Variants in RANBP2 observed in about 807,000 individuals in gnomAD.
RANBP2 encodes the protein RAN binding protein 2.
A neutral mutation model predicts 303.6 loss-of-function variants in RANBP2; 57 were observed. The observed-to-expected ratio is 0.19, with a 90% confidence interval of 0.15 to 0.23. The LOEUF (loss-of-function observed/expected upper bound fraction) is 0.23, where lower values mean the gene tolerates loss of function less well. RANBP2 is among the 10% of genes least tolerant of loss of function. The pLI is 1.00. For synonymous variants in RANBP2, 1,167 were observed against 1,301.5 expected (o/e 0.90, Z 2.23); for missense variants, 3,138 against 3,780.8 (o/e 0.83, Z 4.46).
chr2:109,515,774 G>C, the RANBP2 span, among the ~76,000 whole-genome samples: 1 of 152,184 alleles, frequency 6.6e-6, no homozygotes, highest in African/African-American at 2.4e-5. Flanking sequence ...GGCCTCGGGA[G>C]GCAAAAGTGG....
the RANBP2 span, among the ~76,000 whole-genome samples, chr2:109,186,665 C>T: frequency 1.1e-4 from 16 of 152,240 alleles, no homozygotes; most frequent in African/African-American, 1.9e-4. Flanking sequence ...GAAGACCCTG[C>T]GGGAAATGCA....
the RANBP2 span, among the ~76,000 whole-genome samples, chr2:109,430,439 A>G: frequency 5.3e-5 from 8 of 151,794 alleles, no homozygotes; most frequent in Admixed American, 1.3e-4. Flanking sequence ...GGCTGTGTGG[A>G]AGCCACCCTC....
the RANBP2 span, among the ~76,000 whole-genome samples, chr2:109,423,231 G>A: frequency 6.6e-6 from 1 of 152,096 alleles, no homozygotes; most frequent in Admixed American, 6.5e-5. Context: ...GGAAGCCCAG[G>A]GGAATCGTGG....
chr2:108,923,142 T>G, the RANBP2 span, among the ~76,000 whole-genome samples: 47 of 152,168 alleles, frequency 3.1e-4, no homozygotes, highest in Non-Finnish European at 5.3e-4. Flanking sequence ...AGGTAGCTGG[T>G]GGCCAACCTG....
At chr2:108,853,277 T>G in the RANBP2 span, among the ~76,000 whole-genome samples, 1 of 152,200 alleles carries the variant, frequency 6.6e-6, no homozygotes, top group Non-Finnish European at 1.5e-5. Context: ...GTGTCATTTT[T>G]ACAGAAGAGC....
the RANBP2 span, among the ~76,000 whole-genome samples, chr2:109,366,028 G>C: frequency 6.6e-6 from 1 of 152,076 alleles, no homozygotes; most frequent in Non-Finnish European, 1.5e-5. Flanking sequence ...ATTCTGTTAT[G>C]AAACTATTAA....
chr2:109,039,182 A>G, the RANBP2 span, among the ~76,000 whole-genome samples: 2 of 152,338 alleles, frequency 1.3e-5, no homozygotes, highest in South Asian at 4.1e-4. Context: ...CTTTGGACTC[A>G]GGCCTGAAAC....
chr2:108,740,167 T>C (rs1695960994), intron 6 of RANBP2, among the ~76,000 whole-genome samples: 1 of 152,198 alleles, frequency 6.6e-6, no homozygotes, highest in African/African-American at 2.4e-5. Flanking sequence ...AGGAAGAAAC[T>C]ACAAAATAGT....
the RANBP2 span, among the ~76,000 whole-genome samples, chr2:108,934,374 T>G: frequency 6.6e-6 from 1 of 152,260 alleles, no homozygotes; most frequent in African/African-American, 2.4e-5. Context: ...TGTTTTACTT[T>G]GGGGATCCCC....
the RANBP2 span, among the ~76,000 whole-genome samples, chr2:109,680,405 TAATAA>T: frequency 2.3e-3 from 347 of 150,830 alleles, no homozygotes; most frequent in Non-Finnish European, 3.8e-3. Context: ...TAAAAAAAGA[TAATAA>T]AATAAAATAA....
chr2:109,328,874 T>C, the RANBP2 span, among the ~76,000 whole-genome samples: 1 of 152,184 alleles, frequency 6.6e-6, no homozygotes, highest in Non-Finnish European at 1.5e-5. Flanking sequence ...ATCCCTGGAC[T>C]CCCAGTTGCC....
chr2:109,616,073 G>A, the RANBP2 span: 1 of 1,495,312 alleles, frequency 6.7e-7, no homozygotes, highest in South Asian at 1.4e-5. Context: ...GGTAAAAATT[G>A]CTTCTTTTAG....
the RANBP2 span, among the ~76,000 whole-genome samples, chr2:108,843,509 G>T: frequency 2.6e-5 from 4 of 152,262 alleles, no homozygotes; most frequent in South Asian, 2.1e-4. Flanking sequence ...AACATATTTT[G>T]ATTTCCTTTC....
chr2:109,166,755 G>A, the RANBP2 span, among the ~76,000 whole-genome samples: 10 of 152,318 alleles, frequency 6.6e-5, no homozygotes, highest in East Asian at 1.7e-3. Context: ...ATTGCCATAG[G>A]TTCTGGCATC....
the RANBP2 span, among the ~76,000 whole-genome samples, chr2:108,804,336 T>G: frequency 6.6e-6 from 1 of 152,186 alleles, no homozygotes; most frequent in East Asian, 1.9e-4. Flanking sequence ...TAGAACTGAT[T>G]AAGAAGAGTC....
the RANBP2 span, among the ~76,000 whole-genome samples, chr2:109,208,565 C>A: frequency 5.3e-5 from 8 of 152,352 alleles, no homozygotes; most frequent in African/African-American, 1.9e-4. Flanking sequence ...GACCCACCTG[C>A]AGCAGAGCTG....
the RANBP2 span, among the ~76,000 whole-genome samples, chr2:108,927,374 T>A: frequency 1.3e-5 from 2 of 152,200 alleles, no homozygotes; most frequent in African/African-American, 2.4e-5. Flanking sequence ...ATTCTGCAGA[T>A]GGCTGTCCAC....
At chr2:108,822,454 T>A in the RANBP2 span, among the ~76,000 whole-genome samples, 5 of 152,324 alleles carry the variant, frequency 3.3e-5, no homozygotes, top group East Asian at 9.6e-4. Context: ...TAACTCGATC[T>A]GTCAGACATA....
chr2:109,058,086 C>A, the RANBP2 span, among the ~76,000 whole-genome samples: 1 of 152,218 alleles, frequency 6.6e-6, no homozygotes, highest in East Asian at 1.9e-4. Context: ...CACCTGTGTG[C>A]TGGCAGTGGA....
Sources: allele counts gnomAD v4.1 joint callset (sites outside exome capture counted in the v4.1 genomes callset), GRCh38; gene constraint gnomAD v4.1.1; transcripts MANE v1.5; gene names NCBI Gene and HGNC (gene_info 2026-07-23, HGNC 2026-07-21).